The following CRHR2 variants were observed in gnomAD, a reference collection of about 807,000 sequenced individuals.
The protein encoded by CRHR2 is corticotropin-releasing hormone receptor 2.
Under a neutral mutation model 57.9 loss-of-function variants are expected in CRHR2, and 53 were observed. The observed-to-expected ratio is 0.92, with a 90% CI of 0.73 to 1.15. The LOEUF (loss-of-function observed/expected upper bound fraction) is 1.15. Ranked by LOEUF, CRHR2 falls within the 50% of genes most tolerant of loss-of-function variation. CRHR2 has a pLI of 0.00. For missense variants in CRHR2, 532 were observed against 542.6 expected (o/e 0.98, Z 0.19); for synonymous variants, 213 against 220.9 (o/e 0.96, Z 0.32).
intron 7 of CRHR2, among the ~76,000 whole-genome samples, chr7:30,661,924 A>C (rs1347215292): frequency 6.6e-6 from 1 of 152,214 alleles, no homozygotes; most frequent in Non-Finnish European, 1.5e-5. Context: ...GTCGGGGGGC[A>C]CTTCAAGGAA....
intron 10 of CRHR2, 48 bp downstream of exon 10, chr7:30,655,532 G>T: frequency 6.3e-7 from 1 of 1,579,652 alleles, no homozygotes. Context: ...TGCCAGAGCA[G>T]CCTCAGGAAA....
chr7:30,655,642 C>T lies in CRHR2; in HGVS notation c.991G>A (p.Gly331Arg), dbSNP rs147187610. The change falls in exon 10 of 12, where the codon GGG becomes AGG. Residue 331 changes from glycine to arginine, a missense_variant. Transcript: ENST00000471646. ...ATGATCTGTGACAGGTCGTCCTCCCCGGGATTGACGAAGAAGAGCATGTAG... is the reference window on the plus strand; with the variant it reads ...ATGATCTGTGACAGGTCGTCCTCCCTGGGATTGACGAAGAAGAGCATGTAG... ...ITYMLFFVNP[G>R]EDDLSQIMFI... is the part of the protein sequence containing the mutation. 2.2e-5 allele frequency: 35 copies of T among 1,614,028 alleles called. No homozygotes were observed. The highest frequency in any genetic ancestry group is 2.4e-5 in the Non-Finnish European group (28 of 1,180,004).
Position 30,653,556 on chromosome 7 carries a change from A to C in CRHR2, c.1140T>G (p.His380Gln). The change falls in exon 12 of 12, where the codon CAT becomes CAG. Residue 380 changes from histidine to glutamine, a missense_variant. By Grantham distance (24) the His-to-Gln change is conservative. Transcript: ENST00000471646. This position sits in a 1 kb window ranked among gnomAD's most constrained non-coding sequence, Gnocchi z 5.0. ...VRKRWHRWQD[H>Q]HSLRVPMARA... Reference sequence around the variant, plus strand: ...GGGCCATGGGGACTCGAAGGGAGTGATGGTCCTGCCAGCGGTGCCACCTCT... The same window carrying C: ...GGGCCATGGGGACTCGAAGGGAGTGCTGGTCCTGCCAGCGGTGCCACCTCT... 1 of 1,613,176 alleles carries C rather than the reference A, an allele frequency of 6.2e-7. No individual in the cohort carries two copies. The highest frequency in any genetic ancestry group is 8.5e-7 in the Non-Finnish European group (1 of 1,179,884).
intron 2 of CRHR2, among the ~76,000 whole-genome samples, chr7:30,675,709 C>T (rs1444880039): frequency 6.6e-6 from 1 of 152,226 alleles, no homozygotes; most frequent in East Asian, 1.9e-4. Context: ...CTTTCCCTTA[C>T]TCTTGGAATA....
intron 1 of CRHR2, among the ~76,000 whole-genome samples, chr7:30,695,242 G>A (rs1785034732): frequency 6.6e-5 from 10 of 152,080 alleles, no homozygotes; most frequent in Admixed American, 6.6e-4. Context: ...CTTGGAAGAG[G>A]AGACTTTAGA....
chr7:30,668,175 G>A (rs1784245007), intron 2 of CRHR2, among the ~76,000 whole-genome samples: 2 of 152,236 alleles, frequency 1.3e-5, no homozygotes, highest in South Asian at 4.1e-4. Context: ...GTTTTGTCAA[G>A]GGGGAAGGTA....
Position 30,652,254 on chromosome 7 carries a change from C to T in CRHR2, c.*1206G>A, listed in dbSNP as rs1296154299. 6.6e-6 allele frequency: 1 copy of T among 152,216 alleles called. No homozygotes were observed. The highest frequency in any genetic ancestry group is 6.5e-5 in the Admixed American group (1 of 15,286). The allele number at this position is 152,216 out of a possible 1,614,324, so 9.4% of individuals were successfully genotyped here. ...AACTGAGGGGCCATGTCTACCCTGC[C>T]CACCAGATTCCAGAGCCTTGGCCTT... On this transcript the variant is annotated 3_prime_UTR_variant, in exon 12 of 12. Coordinates refer to ENST00000471646, the MANE Select transcript of CRHR2 (RefSeq NM_001883.5). This position sits in a 1 kb window ranked among gnomAD's most constrained non-coding sequence, Gnocchi z 4.4.
At position 30,678,441 on chromosome 7, in the gene CRHR2, G is replaced by A. The variant is rs577684827; in HGVS notation, c.229+3474C>T. ...GTGTAGAGAACACCCAAGGAGACTC[G>A]TGTGCTTAACTTGGCTCTGCCACTG... On this transcript the variant is annotated intron_variant, in intron 2 of 11. Transcript: ENST00000471646. 2.6e-5 allele frequency among the ~76,000 whole-genome samples: 4 copies of A among 152,288 alleles called. No homozygotes were observed. In the East Asian group the frequency reaches 7.7e-4, roughly 29 times the overall value.
intron 2 of CRHR2, among the ~76,000 whole-genome samples, chr7:30,687,718 A>G (rs1009309892): frequency 6.6e-5 from 10 of 152,228 alleles, no homozygotes; most frequent in Non-Finnish European, 2.9e-5. Flanking sequence ...AGCGGGGACC[A>G]TCCGCCAAGG....
At chr7:30,690,165 G>C (rs370694287) in intron 1 of CRHR2, among the ~76,000 whole-genome samples, 1 of 152,122 alleles carries the variant, frequency 6.6e-6, no homozygotes, top group Non-Finnish European at 1.5e-5. Context: ...ACAGTTTTAC[G>C]GCATGTACGA....
rs553359998 is a variant in CRHR2, at chr7:30,699,068, G to A, written c.-261+876C>T. On this transcript the variant is annotated intron_variant, in intron 1 of 13. Transcript: ENST00000341843. ...TGGTCTGTGGCAGAGTCAGGACAGC[G>A]ACAAGCCTCTTAGCTTCCACAGGCA... 3.9e-5 allele frequency among the ~76,000 whole-genome samples: 6 copies of A among 152,304 alleles called. No homozygotes were observed. The South Asian group carries it at 6.2e-4, about 16-fold the overall frequency.
At chr7:30,686,474 TG>T, upstream of CRHR2, 1 of 1,521,420 alleles carries the variant, frequency 6.6e-7, no homozygotes, top group Non-Finnish European at 8.8e-7. Context: ...CATATGTGTG[TG>T]TGTTGCATTG....
chr7:30,687,357 T>C (rs1784875579), upstream of CRHR2, among the ~76,000 whole-genome samples: 1 of 151,882 alleles, frequency 6.6e-6, no homozygotes, highest in Non-Finnish European at 1.5e-5. Context: ...GTTGAATATT[T>C]AATGACATGG....
At position 30,667,432 on chromosome 7, in the gene CRHR2, C is replaced by T. The variant is rs948696161; in HGVS notation, c.230-119G>A. On this transcript the variant is annotated intron_variant, in intron 2 of 11. Transcript: ENST00000471646. ...CTCAGCTCTCCTAGGGCAGCAAATA[C>T]AATGTGCATCTGAAAGTTTACATGT... is the stretch of plus-strand genomic sequence containing the variant. 3 of 701,370 alleles carry T rather than the reference C, an allele frequency of 4.3e-6. No individual in the cohort carries two copies. In the African/African-American group the frequency reaches 5.3e-5, roughly 12 times the overall value. 43.4% of individuals were successfully genotyped at this position (701,370 alleles called of 1,614,324 possible).
At chr7:30,678,524 G>A (rs989191444) in intron 2 of CRHR2, among the ~76,000 whole-genome samples, 1 of 152,148 alleles carries the variant, frequency 6.6e-6, no homozygotes, top group African/African-American at 2.4e-5. Flanking sequence ...GCTGCATCTG[G>A]AAATAACTCT....
chr7:30,688,410 G>A (rs1008158466), intron 2 of CRHR2, among the ~76,000 whole-genome samples: 3 of 152,198 alleles, frequency 2.0e-5, no homozygotes, highest in South Asian at 2.1e-4. Flanking sequence ...GGGCGAGGCC[G>A]CTGGGTGGAA....
intron 6 of CRHR2, 129 bp downstream of exon 6, chr7:30,662,565 T>C: frequency 1.3e-5 from 14 of 1,118,524 alleles, no homozygotes; most frequent in Non-Finnish European, 1.7e-5. Context: ...GGGAAGTAGC[T>C]GCATCCACCG....
rs538384565 is a variant in CRHR2, at chr7:30,670,498, G to A, written c.230-3185C>T. 1.4e-3 allele frequency among the ~76,000 whole-genome samples: 211 copies of A among 152,330 alleles called. 1 individual carries two copies. The highest frequency in any genetic ancestry group is 2.1e-3 in the Non-Finnish European group (143 of 68,026). The stretch of plus-strand genomic sequence containing the variant: ...CTGCTGACCCCTGGGAAAGCAGGTG[G>A]GATGCAGAAGCGGGAGGGGACTTCC... On this transcript the variant is annotated intron_variant, in intron 2 of 11. Coordinates refer to ENST00000471646, the MANE Select transcript of CRHR2 (RefSeq NM_001883.5).
At chr7:30,678,030 A>G (rs1388959918) in intron 2 of CRHR2, among the ~76,000 whole-genome samples, 1 of 152,130 alleles carries the variant, frequency 6.6e-6, no homozygotes, top group Admixed American at 6.5e-5. Context: ...TGATCATGCC[A>G]CTAGTGGTGG....
Sources: gnomAD v4.1 joint callset for allele counts (sites outside exome capture counted in the v4.1 genomes callset) on GRCh38, gnomAD v4.1.1 for gene constraint, Gnocchi (gnomAD v3.1) non-coding constraint, MANE v1.5 for transcripts, NCBI Gene and HGNC (gene_info 2026-07-23, HGNC 2026-07-21) for gene names.